Variants in SP140 observed in about 807,000 individuals in gnomAD.
SP140 encodes the protein SP140 nuclear body protein.
A neutral mutation model predicts 125.0 loss-of-function variants in SP140; 81 were observed. The ratio of observed to expected loss-of-function variants is 0.65; its 90% CI spans 0.54 to 0.78. The LOEUF (loss-of-function observed/expected upper bound fraction) is 0.78. Ranked by LOEUF, SP140 falls within the 30% of genes least tolerant of loss-of-function variation. SP140 has a pLI of 0.00. For synonymous variants in SP140, 312 were observed against 354.0 expected, an observed-to-expected ratio of 0.88 and a Z score of 1.33; for missense variants, 858 against 1,037.0, an observed-to-expected ratio of 0.83 and a Z score of 2.37.
intron 10 of SP140, among the ~76,000 whole-genome samples, chr2:230,251,993 TC>T (rs958371536): frequency 2.0e-5 from 3 of 151,850 alleles, no homozygotes; most frequent in African/African-American, 7.3e-5. Flanking sequence ...TAGGGTGGGG[TC>T]CCATAGACTG....
rs760790822 is a variant in SP140, at chr2:230,238,380, T to C, written c.405T>C (p.Asn135=). ...ACGAGATTTACAGAAGCTTCCAGAATGGTAACTATAGCTCTCAACAGCTTT... is the reference window on the plus strand; with the variant it reads ...ACGAGATTTACAGAAGCTTCCAGAACGGTAACTATAGCTCTCAACAGCTTT... ...DLNEIYRSFQ[N]VCYEHSPLQM... is the part of the protein sequence containing the mutation. The change falls in exon 3 of 27, where the codon AAT becomes AAC. Residue 135 remains asparagine (N), a splice_region_variant and synonymous_variant. Transcript: ENST00000392045. 3.1e-6 allele frequency: 5 copies of C among 1,609,900 alleles called. No individual in the cohort carries two copies. The highest frequency in any genetic ancestry group is 4.2e-6 in the Non-Finnish European group (5 of 1,178,926).
intron 22 of SP140, among the ~76,000 whole-genome samples, chr2:230,298,106 C>T (rs1034652887): frequency 1.3e-5 from 2 of 152,182 alleles, no homozygotes; most frequent in African/African-American, 4.8e-5. Context: ...CATTTTAACT[C>T]AACTGCTTAT....
At chr2:230,301,698 C>T (rs1348035416) in intron 22 of SP140, among the ~76,000 whole-genome samples, 1 of 152,052 alleles carries the variant, frequency 6.6e-6, no homozygotes, top group East Asian at 1.9e-4. Flanking sequence ...GCATAAATAT[C>T]ACAGGCCTAT....
At chr2:230,279,756 TC>T (rs1448641645) in intron 15 of SP140, among the ~76,000 whole-genome samples, 1 of 152,132 alleles carries the variant, frequency 6.6e-6, no homozygotes, top group Non-Finnish European at 1.5e-5. Context: ...TTCTCTCCAT[TC>T]TCTGGTTCTC....
chr2:230,200,005 T>C (rs760343769), upstream of SP140, among the ~76,000 whole-genome samples: 11 of 152,178 alleles, frequency 7.2e-5, no homozygotes, highest in Non-Finnish European at 1.6e-4. Context: ...TCTGCTAAAT[T>C]GGAATAGGTC....
At chr2:230,200,017 T>C (rs1261634900), upstream of SP140, among the ~76,000 whole-genome samples, 3 of 152,280 alleles carry the variant, frequency 2.0e-5, no homozygotes, top group South Asian at 4.1e-4. Flanking sequence ...GAATAGGTCA[T>C]TCAATCTTCT....
rs1419714741 is a variant in SP140 at position 230,297,401 on chromosome 2, T to C, written c.2017-20T>C. On this transcript the variant is annotated intron_variant, in intron 21 of 26. Coordinates refer to ENST00000392045, the MANE Select transcript of SP140 (RefSeq NM_007237.5). ...CAATGCATTCAATATCATAAATCAA[T>C]CTTTCTGTTTTTTCAACAGAGAATA... 1 of 1,612,070 alleles carries C rather than the reference T, an allele frequency of 6.2e-7. No individual in the cohort carries two copies. Among genetic ancestry groups the C allele is most frequent in the East Asian group, 2.2e-5 (1 of 44,876 alleles).
At chr2:230,228,821 G>C (rs1265153450) in intron 1 of SP140, among the ~76,000 whole-genome samples, 1 of 152,058 alleles carries the variant, frequency 6.6e-6, no homozygotes, top group Non-Finnish European at 1.5e-5. Context: ...ATATAGTCGG[G>C]TGTTTTGTGT....
intron 7 of SP140, among the ~76,000 whole-genome samples, chr2:230,246,172 C>T (rs949712616): frequency 3.3e-5 from 5 of 152,158 alleles, no homozygotes; most frequent in Admixed American, 6.5e-5. Flanking sequence ...CAGACAGAGA[C>T]AGTCTATGTC....
rs1040726972 is a variant in SP140 at position 230,243,609 on chromosome 2, T to C, written c.491-122T>C. ...GGACTGAATCCTCAGGTCAGGTTGT[T>C]TGGGGAGAGGGGACCTTCCAGATTA... On this transcript the variant is annotated intron_variant, in intron 4 of 26. Transcript: ENST00000392045. 6.1e-5 allele frequency: 44 copies of C among 716,810 alleles called. No individual in the cohort carries two copies. The South Asian group carries it at 7.3e-4, about 12-fold the overall frequency. The allele number at this position is 716,810 out of a possible 1,614,324, so 44.4% of individuals were successfully genotyped here.
chr2:230,242,283 A>G (rs969630824), intron 4 of SP140, among the ~76,000 whole-genome samples: 2 of 152,190 alleles, frequency 1.3e-5, no homozygotes, highest in Non-Finnish European at 2.9e-5. Context: ...CTTGAGAGTG[A>G]AAAGTGGATA....
chr2:230,216,732 G>C (rs200249548), intron 3 of SP140: 1 of 1,605,940 alleles, frequency 6.2e-7, no homozygotes, highest in Non-Finnish European at 8.5e-7. Context: ...TAATAATCAG[G>C]CATATTGGTG....
At chr2:230,188,004 GA>G in the SP140 span, among the ~76,000 whole-genome samples, 1 of 151,942 alleles carries the variant, frequency 6.6e-6, no homozygotes, top group African/African-American at 2.4e-5. Flanking sequence ...TGAATTTTAA[GA>G]TTTTTTTTCC....
At chr2:230,289,733 C>T (rs983172589) in intron 18 of SP140, among the ~76,000 whole-genome samples, 2 of 152,166 alleles carry the variant, frequency 1.3e-5, no homozygotes, top group East Asian at 3.8e-4. Flanking sequence ...CCTTGCCCTC[C>T]CAAAGTGCTG....
At chr2:230,204,095 AAAAAACCTG>A (rs2148870522) in intron 1 of SP140, among the ~76,000 whole-genome samples, 1 of 152,296 alleles carries the variant, frequency 6.6e-6, no homozygotes, top group Admixed American at 6.5e-5. Context: ...CGATTCTTTT[AAAAAACCTG>A]AAAAATTTCA....
At chr2:230,314,353 C>G (rs1470158045), downstream of SP140, among the ~76,000 whole-genome samples, 5 of 152,152 alleles carry the variant, frequency 3.3e-5, no homozygotes, top group African/African-American at 1.2e-4. Context: ...GTGAAGAGAG[C>G]GTTTATCCTC....
intron 3 of SP140, chr2:230,238,816 G>T: frequency 6.4e-7 from 1 of 1,555,370 alleles, no homozygotes; most frequent in East Asian, 2.4e-5. Flanking sequence ...ACAAAGACTG[G>T]AGAAGTCACG....
At chr2:230,216,863 C>A (rs201743901) in intron 3 of SP140, 1 of 1,613,966 alleles carries the variant, frequency 6.2e-7, no homozygotes, top group Non-Finnish European at 8.5e-7. Flanking sequence ...ATAGGCGATC[C>A]CCAGCTTCTG....
chr2:230,303,141 C>CA (rs2058452192), intron 22 of SP140, among the ~76,000 whole-genome samples: 1 of 151,694 alleles, frequency 6.6e-6, no homozygotes, highest in Non-Finnish European at 1.5e-5. Flanking sequence ...AAAAGATAAA[C>CA]AAAATTGATA....
Sources: allele counts gnomAD v4.1 joint callset (sites outside exome capture counted in the v4.1 genomes callset), GRCh38; gene constraint gnomAD v4.1.1; transcripts MANE v1.5; gene names NCBI Gene and HGNC (gene_info 2026-07-23, HGNC 2026-07-21).